The following ERBB4 variants were observed in gnomAD, a reference collection of about 807,000 sequenced individuals.
The protein encoded by ERBB4 is receptor tyrosine-protein kinase erbB-4.
ERBB4 carries 42 observed loss-of-function variants against 158.0 expected under a neutral mutation model. That is an observed-to-expected ratio of 0.27 (90% CI 0.21 to 0.34). The LOEUF is 0.34. ERBB4 is among the 10% of genes least tolerant of loss of function. ERBB4 has a pLI of 1.00. For missense variants in ERBB4, 1,333 were observed against 1,624.1 expected, an observed-to-expected ratio of 0.82 and a Z score of 3.08; for synonymous variants, 583 against 558.7, an observed-to-expected ratio of 1.04 and a Z score of -0.61.
At chr2:212,405,910 G>A (rs1015141644) in intron 1 of ERBB4, among the ~76,000 whole-genome samples, 11 of 151,916 alleles carry the variant, frequency 7.2e-5, no homozygotes, top group African/African-American at 2.2e-4. Context: ...CTACACTCTC[G>A]CTGCTCAACA....
intron 4 of ERBB4, among the ~76,000 whole-genome samples, chr2:211,763,631 TC>T (rs1239608778): frequency 2.0e-5 from 3 of 152,098 alleles, no homozygotes; most frequent in African/African-American, 7.2e-5. Context: ...CTTACAGCCT[TC>T]CTTTTTTATT....
intron 25 of ERBB4, among the ~76,000 whole-genome samples, chr2:211,397,430 C>CA (rs1425519900): frequency 1.3e-5 from 2 of 151,940 alleles, no homozygotes; most frequent in Non-Finnish European, 2.9e-5. Flanking sequence ...AAAAATGAAG[C>CA]AAAAAATGAA....
At chr2:211,905,646 T>TTA (rs1559632839) in intron 3 of ERBB4, among the ~76,000 whole-genome samples, 1 of 25,144 alleles carries the variant, frequency 4.0e-5, no homozygotes, top group Non-Finnish European at 8.3e-5. Flanking sequence ...GTAGGAAGGA[T>TTA]CATATATATA....
chr2:211,588,161 G>A (rs2068344929), intron 19 of ERBB4, among the ~76,000 whole-genome samples: 1 of 152,032 alleles, frequency 6.6e-6, no homozygotes, highest in African/African-American at 2.4e-5. Flanking sequence ...AAGAATGTAT[G>A]TTCACATTTG....
chr2:212,188,224 CTCTCTCT>C (rs2082077750), intron 1 of ERBB4, among the ~76,000 whole-genome samples: 3 of 36,828 alleles, frequency 8.1e-5, no homozygotes, highest in African/African-American at 2.9e-4. Context: ...CTCTCTCTCT[CTCTCTCT>C]CTCCCCCCCC....
At chr2:211,597,406 A>G (rs921159725) in intron 19 of ERBB4, among the ~76,000 whole-genome samples, 4 of 152,216 alleles carry the variant, frequency 2.6e-5, no homozygotes, top group Non-Finnish European at 5.9e-5. Context: ...AATAACATAA[A>G]TGGATTCATT....
rs2081481675 is a variant in ERBB4, at chr2:212,170,440, A to C, written c.83-45537T>G. 2.0e-5 allele frequency among the ~76,000 whole-genome samples: 3 copies of C among 152,194 alleles called. No homozygotes were observed. The South Asian group carries it at 6.2e-4, about 31-fold the overall frequency. On this transcript the variant is annotated intron_variant, in intron 1 of 27. Transcript: ENST00000342788. Reference sequence around the variant, plus strand: ...AAGAGAAACCCATTTTCTGGGGAGAAAGTCAATCCAGCTGCAGAAATTTGC... The same window carrying C: ...AAGAGAAACCCATTTTCTGGGGAGACAGTCAATCCAGCTGCAGAAATTTGC...
chr2:212,434,395 T>G (rs1412641414), intron 1 of ERBB4, among the ~76,000 whole-genome samples: 1 of 151,948 alleles, frequency 6.6e-6, no homozygotes, highest in Non-Finnish European at 1.5e-5. Flanking sequence ...TTCTACACCT[T>G]AAAACATTAT....
At chr2:211,543,148 C>T (rs1030131060) in intron 20 of ERBB4, among the ~76,000 whole-genome samples, 1 of 151,824 alleles carries the variant, frequency 6.6e-6, no homozygotes, top group African/African-American at 2.4e-5. Context: ...TCTAGTAGTC[C>T]ACCCCTATTA....
intron 2 of ERBB4, among the ~76,000 whole-genome samples, chr2:212,014,844 G>T (rs2076470984): frequency 6.6e-6 from 1 of 151,078 alleles, no homozygotes; most frequent in Non-Finnish European, 1.5e-5. Context: ...TTGTTTACTT[G>T]TGCACCCTTT....
At chr2:211,566,408 T>C (rs548592803) in intron 19 of ERBB4, among the ~76,000 whole-genome samples, 3 of 152,296 alleles carry the variant, frequency 2.0e-5, no homozygotes, top group South Asian at 4.1e-4. Context: ...CGGAGACTGC[T>C]TGGGGGGCCA....
At chr2:211,914,341 C>T (rs1285795316) in intron 3 of ERBB4, among the ~76,000 whole-genome samples, 1 of 151,574 alleles carries the variant, frequency 6.6e-6, no homozygotes, top group African/African-American at 2.4e-5. Context: ...AAATGAAAAC[C>T]TAGAATCAGA....
At chr2:211,528,605 A>G (rs558668487) in intron 20 of ERBB4, among the ~76,000 whole-genome samples, 1 of 152,178 alleles carries the variant, frequency 6.6e-6, no homozygotes, top group African/African-American at 2.4e-5. Context: ...ATCATATGTT[A>G]TGGCACAAAA....
At chr2:212,235,136 T>C (rs1024361023) in intron 1 of ERBB4, among the ~76,000 whole-genome samples, 2 of 152,220 alleles carry the variant, frequency 1.3e-5, no homozygotes, top group Non-Finnish European at 2.9e-5. Flanking sequence ...TTAATCCATC[T>C]TGACTTAATT....
At chr2:211,606,338 G>A (rs984195240) in intron 19 of ERBB4, among the ~76,000 whole-genome samples, 5 of 151,924 alleles carry the variant, frequency 3.3e-5, no homozygotes, top group Admixed American at 3.3e-4. Flanking sequence ...GAGAGTTCCT[G>A]TACATAAAAA....
At chr2:212,412,944 G>A (rs553016450) in intron 1 of ERBB4, among the ~76,000 whole-genome samples, 5 of 149,482 alleles carry the variant, frequency 3.3e-5, no homozygotes, top group African/African-American at 1.2e-4. Context: ...GATATGTAGA[G>A]TATTTTTTTT....
intron 5 of ERBB4, among the ~76,000 whole-genome samples, chr2:211,728,189 A>G (rs762945529): frequency 3.3e-5 from 5 of 150,486 alleles, no homozygotes; most frequent in Admixed American, 6.6e-5. Flanking sequence ...TCTTTCTTTC[A>G]TCTCCCTTCC....
intron 1 of ERBB4, among the ~76,000 whole-genome samples, chr2:212,506,956 A>T (rs1454003506): frequency 6.6e-6 from 1 of 152,212 alleles, no homozygotes; most frequent in African/African-American, 2.4e-5. Flanking sequence ...ACTTTCATAG[A>T]AAGAAGTCAA....
chr2:211,546,781 A>G (rs895513436), intron 20 of ERBB4, among the ~76,000 whole-genome samples: 2 of 152,128 alleles, frequency 1.3e-5, no homozygotes, highest in African/African-American at 4.8e-5. Flanking sequence ...AAGACTGACA[A>G]ATTGCTAATG....
Sources: allele counts gnomAD v4.1 joint callset (sites outside exome capture counted in the v4.1 genomes callset), GRCh38; gene constraint gnomAD v4.1.1; transcripts MANE v1.5; gene names NCBI Gene and HGNC (gene_info 2026-07-23, HGNC 2026-07-21).